The following CA10 variants were observed in gnomAD, a reference collection of about 807,000 sequenced individuals.
CA10 encodes the protein carbonic anhydrase-related protein 10.
Under a neutral mutation model 44.2 loss-of-function variants are expected in CA10, and 14 were observed. The observed-to-expected ratio is 0.32, with a 90% CI of 0.21 to 0.50. CA10 has a LOEUF of 0.50. CA10 is among the 20% of genes least tolerant of loss of function. The pLI is 0.99. For synonymous variants in CA10, 159 were observed against 141.6 expected (o/e 1.12, Z -0.87); for missense variants, 350 against 409.7 (o/e 0.85, Z 1.26).
intron 2 of CA10, among the ~76,000 whole-genome samples, chr17:51,958,084 A>C (rs943746076): frequency 6.6e-6 from 1 of 152,138 alleles, no homozygotes; most frequent in Non-Finnish European, 1.5e-5. Flanking sequence ...TCGTGCCTTC[A>C]ATCTGTGGCA....
intron 2 of CA10, among the ~76,000 whole-genome samples, chr17:51,990,300 G>A (rs1287152342): frequency 3.9e-5 from 6 of 152,072 alleles, no homozygotes; most frequent in Admixed American, 2.0e-4. Context: ...ACATATTATT[G>A]TGTGGAAGCC....
chr17:52,062,616 C>G (rs1464233546), intron 2 of CA10, among the ~76,000 whole-genome samples: 3 of 152,234 alleles, frequency 2.0e-5, no homozygotes, highest in Non-Finnish European at 4.4e-5. Context: ...GCTGCTCCAG[C>G]TCCAGGTGAG....
intron 3 of CA10, among the ~76,000 whole-genome samples, chr17:51,761,049 C>T (rs980958226): frequency 4.6e-5 from 7 of 152,154 alleles, no homozygotes; most frequent in Non-Finnish European, 8.8e-5. Context: ...GCAGCCTGGT[C>T]GGGTCAGTCT....
In CA10 at chr17:51,649,204, A is replaced by T. The variant is rs61734952; in HGVS notation, c.612T>A (p.Thr204=). The stretch of plus-strand genomic sequence containing the variant: ...TACTTTTATATGTTATTCTTGTGAT[A>T]GTATCTCTGTTGAGCATTCGATTAA... ...PFLNRMLNRD[T]ITRITYKNDA... is the part of the protein sequence containing the mutation. Residue 204 remains threonine (T), a synonymous_variant, in exon 6 of 9, where the codon ACT becomes ACA. Transcript: ENST00000451037. 6.7e-4 allele frequency: 1,082 copies of T among 1,613,136 alleles called. 13 individuals are homozygous for T. The African/African-American group carries it at 0.013, about 19-fold the overall frequency.
At chr17:51,646,895 G>C (rs1251177611) in intron 6 of CA10, among the ~76,000 whole-genome samples, 2 of 152,194 alleles carry the variant, frequency 1.3e-5, no homozygotes, top group Non-Finnish European at 2.9e-5. Flanking sequence ...GGTCACTACA[G>C]AGGACACCTC....
chr17:52,024,345 T>G (rs1230168011), intron 2 of CA10, among the ~76,000 whole-genome samples: 1 of 152,022 alleles, frequency 6.6e-6, no homozygotes, highest in African/African-American at 2.4e-5. Flanking sequence ...TGAGCCAAAT[T>G]TAAGTTATGT....
chr17:51,691,930 T>C (rs1243513344), intron 4 of CA10, among the ~76,000 whole-genome samples: 1 of 152,212 alleles, frequency 6.6e-6, no homozygotes, highest in Non-Finnish European at 1.5e-5. Context: ...ACCCATGGGA[T>C]ACTTAAAACA....
chr17:51,827,952 A>C (rs555129155), intron 3 of CA10, among the ~76,000 whole-genome samples: 1 of 152,332 alleles, frequency 6.6e-6, no homozygotes, highest in East Asian at 1.9e-4. Context: ...TGCTGGCAGG[A>C]TGTCAACACC....
At chr17:51,964,835 C>T (rs1234534601) in intron 2 of CA10, among the ~76,000 whole-genome samples, 2 of 151,696 alleles carry the variant, frequency 1.3e-5, no homozygotes, top group Non-Finnish European at 3.0e-5. Flanking sequence ...ATCATTGTAC[C>T]TAGAGAAACC....
intron 1 of CA10, among the ~76,000 whole-genome samples, chr17:52,073,817 A>G (rs760794008): frequency 2.7e-4 from 41 of 152,174 alleles, no homozygotes; most frequent in South Asian, 8.3e-4. Flanking sequence ...TCAAAGCAGA[A>G]GCCAGAAAGG....
chr17:51,876,746 C>G lies in CA10; in HGVS notation c.279+54244G>C, dbSNP rs1044397009. Among the ~76,000 whole-genome samples the G allele has an allele frequency of 4.0e-5, 6 of 151,674 alleles. No individual in the cohort carries two copies. The South Asian group carries it at 1.3e-3, about 32-fold the overall frequency. ...GAAGACTTCAGTAAAAACTCATAAG[C>G]AAGATCCTGGTCCATATGGTAGTAT... On this transcript the variant is annotated intron_variant, in intron 3 of 8. Coordinates refer to ENST00000451037, the MANE Select transcript of CA10 (RefSeq NM_020178.5).
chr17:51,639,870 G>C (rs559041214), intron 6 of CA10, among the ~76,000 whole-genome samples: 1 of 152,162 alleles, frequency 6.6e-6, no homozygotes, highest in African/African-American at 2.4e-5. Flanking sequence ...GCAATAAGCA[G>C]ATGGTTGGAG....
chr17:52,047,300 G>A (rs953472976), intron 2 of CA10, among the ~76,000 whole-genome samples: 12 of 151,950 alleles, frequency 7.9e-5, no homozygotes, highest in Admixed American at 3.9e-4. Context: ...AGGGGTCAGA[G>A]GAGTTCCTCT....
intron 3 of CA10, among the ~76,000 whole-genome samples, chr17:51,776,044 C>T (rs1257420199): frequency 6.6e-6 from 1 of 152,086 alleles, no homozygotes; most frequent in African/African-American, 2.4e-5. Context: ...CCATTGAAAG[C>T]CTTAAAGCAA....
intron 5 of CA10, among the ~76,000 whole-genome samples, chr17:51,653,144 C>G (rs1430072499): frequency 6.6e-6 from 1 of 151,970 alleles, no homozygotes; most frequent in Non-Finnish European, 1.5e-5. Flanking sequence ...TATGAAGGAA[C>G]GGGAGAGCGA....
intron 1 of CA10, among the ~76,000 whole-genome samples, chr17:52,115,889 C>T (rs1041184895): frequency 1.8e-4 from 28 of 152,198 alleles, no homozygotes; most frequent in Non-Finnish European, 2.6e-4. Flanking sequence ...GTCAAGAGAT[C>T]GAGACCATCC....
At chr17:52,037,532 G>C (rs560823614) in intron 2 of CA10, among the ~76,000 whole-genome samples, 147 of 152,034 alleles carry the variant, frequency 9.7e-4, no homozygotes, top group Non-Finnish European at 1.5e-3. Flanking sequence ...AGGTAAAAGG[G>C]GATAAGCAGA....
intron 2 of CA10, among the ~76,000 whole-genome samples, chr17:51,966,462 A>G (rs1984084692): frequency 6.6e-6 from 1 of 152,006 alleles, no homozygotes; most frequent in Non-Finnish European, 1.5e-5. Flanking sequence ...AAGCTATACT[A>G]CAAGCCTACA....
intron 3 of CA10, among the ~76,000 whole-genome samples, chr17:51,752,837 T>C (rs1904937591): frequency 6.6e-6 from 1 of 152,084 alleles, no homozygotes; most frequent in African/African-American, 2.4e-5. Flanking sequence ...GGAGAATCAC[T>C]TGAACCCAGG....
Sources: gnomAD v4.1 joint callset for allele counts (sites outside exome capture counted in the v4.1 genomes callset) on GRCh38, gnomAD v4.1.1 for gene constraint, MANE v1.5 for transcripts, NCBI Gene and HGNC (gene_info 2026-07-23, HGNC 2026-07-21) for gene names.